KAT7: variants seen among roughly 807,000 people sequenced by gnomAD.
KAT7 encodes the protein histone acetyltransferase KAT7.
KAT7 carries 10 observed loss-of-function variants against 82.1 expected under a neutral mutation model. The observed-to-expected ratio is 0.12, with a 90% CI of 0.08 to 0.21. The LOEUF (loss-of-function observed/expected upper bound fraction) is 0.21, where lower values mean the gene tolerates loss of function less well. Ranked by LOEUF, KAT7 falls within the 10% of genes least tolerant of loss-of-function variation. KAT7 has a pLI of 1.00. For missense variants in KAT7, 378 were observed against 760.9 expected (o/e 0.50, Z 5.92); for synonymous variants, 250 against 262.5 (o/e 0.95, Z 0.46).
rs887070130 is a variant in KAT7 at position 49,834,535 on chromosome 17, C to T, written c.*7033C>T. 1.3e-5 allele frequency: 2 copies of T among 152,234 alleles called. No homozygotes were observed. The highest frequency in any genetic ancestry group is 2.9e-5 in the Non-Finnish European group (2 of 68,058). 9.4% of individuals were successfully genotyped at this position (152,234 alleles called of 1,614,324 possible). ...TCAATGGATTAAGTTCATGTTTATC[C>T]TGGCTTTCAAGTCTTTCCGTAAGCT... On this transcript the variant is annotated 3_prime_UTR_variant, in exon 15 of 15. Transcript: ENST00000259021.
Position 49,830,177 on chromosome 17 carries a change from CTATTTTTTTT to C in KAT7, c.*2677_*2686del, listed in dbSNP as rs2074411888. ...ACAGGCGTGAGCCACTGCACCCGAC[CTATTTTTTTT>C]TTTTTTTTTTTTTTTTTTTTTAAAA... On this transcript the variant is annotated 3_prime_UTR_variant, in exon 15 of 15. Transcript: ENST00000259021. The C allele has an allele frequency of 3.2e-5, 4 of 126,138 alleles. No individual in the cohort carries two copies. The South Asian group carries it at 7.6e-4, about 24-fold the overall frequency. The allele number at this position is 126,138 out of a possible 1,614,324, so 7.8% of individuals were successfully genotyped here.
At chr17:49,823,333 G>T in intron 12 of KAT7, 38 bp downstream of exon 12, 1 of 1,071,204 alleles carries the variant, frequency 9.3e-7, no homozygotes, top group South Asian at 1.3e-5. Context: ...CCACAAGGCA[G>T]GGACCATGTG....
At chr17:49,815,236 T>G (rs2074219700) in intron 7 of KAT7, 1 of 152,248 alleles carries the variant, frequency 6.6e-6, no homozygotes, top group African/African-American at 2.4e-5. Context: ...GCACGCCTTT[T>G]GCAGACAGCA....
chr17:49,825,524 A>AGTTG (rs2074358102), intron 12 of KAT7, among the ~76,000 whole-genome samples: 1 of 152,194 alleles, frequency 6.6e-6, no homozygotes, highest in Non-Finnish European at 1.5e-5. Context: ...ACCTGTAGTC[A>AGTTG]ACTGCGGTCC....
At chr17:49,813,330 C>A in intron 7 of KAT7, among the ~76,000 whole-genome samples, 1 of 152,112 alleles carries the variant, frequency 6.6e-6, no homozygotes. Flanking sequence ...CCAGTTGCAT[C>A]CATGTCGCTG....
intron 4 of KAT7, among the ~76,000 whole-genome samples, chr17:49,799,021 A>G (rs1382535793): frequency 1.3e-5 from 2 of 152,234 alleles, no homozygotes; most frequent in African/African-American, 4.8e-5. Context: ...GCCTTCTGTA[A>G]CTTTAGTAGC....
At chr17:49,826,643 G>A (rs2074371776) in intron 13 of KAT7, 50 bp from the exon 14 acceptor site, 2 of 1,250,866 alleles carry the variant, frequency 1.6e-6, no homozygotes, top group Non-Finnish European at 2.3e-6. Flanking sequence ...GGGGGCAAAG[G>A]GGTGGGAACC....
In KAT7 at chr17:49,832,646, T is replaced by C; in HGVS notation, c.*5144T>C. 6.6e-6 allele frequency: 1 copy of C among 152,220 alleles called. No homozygotes were observed. The highest frequency in any genetic ancestry group is 1.5e-5 in the Non-Finnish European group (1 of 68,022). The allele number at this position is 152,220 out of a possible 1,614,324, so 9.4% of individuals were successfully genotyped here. A position where few individuals can be genotyped will look rare whatever the true frequency, so the allele number is the denominator to read the frequency against. On this transcript the variant is annotated 3_prime_UTR_variant, in exon 15 of 15. Coordinates refer to ENST00000259021, the MANE Select transcript of KAT7 (RefSeq NM_007067.5). ...CTCAACTAGTTTAGTGTGCTCAAGC[T>C]CAAATAACCAATCCCATCAAGTGAA... is the stretch of plus-strand genomic sequence containing the variant.
In KAT7 at chr17:49,821,920, A is replaced by T. The variant is rs2074308755; in HGVS notation, c.1386+130A>T. ...ATGATGACACCCCTTCCTTAAATTAAAAAAAAAAAAAAGGCAAACCCATGT... is the reference window on the plus strand; with the variant it reads ...ATGATGACACCCCTTCCTTAAATTATAAAAAAAAAAAAGGCAAACCCATGT... On this transcript the variant is annotated intron_variant, in intron 11 of 14. Coordinates refer to ENST00000259021, the MANE Select transcript of KAT7 (RefSeq NM_007067.5). 1.5e-5 allele frequency: 5 copies of T among 341,106 alleles called. No individual in the cohort carries two copies. In the East Asian group the frequency reaches 2.6e-4, roughly 18 times the overall value. 21.1% of individuals were successfully genotyped at this position (341,106 alleles called of 1,614,324 possible). A position where few individuals can be genotyped will look rare whatever the true frequency, so the allele number is the denominator to read the frequency against.
intron 9 of KAT7, among the ~76,000 whole-genome samples, chr17:49,821,035 G>A (rs1026520407): frequency 2.6e-5 from 4 of 152,122 alleles, no homozygotes; most frequent in Non-Finnish European, 5.9e-5. Context: ...ATAAGCAAGC[G>A]TATTGTTATT....
chr17:49,812,249 T>TG (rs2074175726), intron 7 of KAT7, among the ~76,000 whole-genome samples: 1 of 150,334 alleles, frequency 6.7e-6, no homozygotes, highest in Non-Finnish European at 1.5e-5. Flanking sequence ...TTTTTTTTTT[T>TG]TTTTTGAGAC....
intron 1 of KAT7, among the ~76,000 whole-genome samples, chr17:49,790,971 G>T (rs2073880451): frequency 6.6e-6 from 1 of 152,170 alleles, no homozygotes; most frequent in Non-Finnish European, 1.5e-5. Context: ...AACTCCTCAG[G>T]AGGATAATAA....
At chr17:49,824,116 G>A (rs1339335621) in intron 12 of KAT7, among the ~76,000 whole-genome samples, 1 of 152,200 alleles carries the variant, frequency 6.6e-6, no homozygotes, top group Non-Finnish European at 1.5e-5. Flanking sequence ...ATAAGTTTAT[G>A]TATTGATGGT....
In KAT7 at chr17:49,828,606, T is replaced by G. The variant is rs1280447294; in HGVS notation, c.*1104T>G. 1 of 152,684 alleles carries G rather than the reference T, an allele frequency of 6.5e-6. No homozygotes were observed. Among genetic ancestry groups the G allele is most frequent in the Non-Finnish European group, 1.5e-5 (1 of 68,046 alleles). The allele number at this position is 152,684 out of a possible 1,614,324, so 9.5% of individuals were successfully genotyped here. ...CTCTAGGATTAAAGTGCTTCTGCCCTTCCACGAACTCCTCCTCCATTTCCT... is the reference window on the plus strand; with the variant it reads ...CTCTAGGATTAAAGTGCTTCTGCCCGTCCACGAACTCCTCCTCCATTTCCT... On this transcript the variant is annotated 3_prime_UTR_variant, in exon 15 of 15. Coordinates refer to ENST00000259021, the MANE Select transcript of KAT7 (RefSeq NM_007067.5).
At chr17:49,820,425 C>T (rs1291153370) in intron 9 of KAT7, among the ~76,000 whole-genome samples, 4 of 151,956 alleles carry the variant, frequency 2.6e-5, no homozygotes, top group African/African-American at 4.8e-5. Flanking sequence ...ATTACAGGCC[C>T]CCGCTGCCAC....
intron 8 of KAT7, 116 bp downstream of exon 8, chr17:49,816,029 C>A: frequency 1.6e-6 from 1 of 632,304 alleles, no homozygotes. Context: ...TCTGGAATCT[C>A]TTTCCCTGTC....
chr17:49,809,383 T>C (rs1044432049), intron 6 of KAT7, among the ~76,000 whole-genome samples, 175 bp downstream of exon 6: 6 of 152,236 alleles, frequency 3.9e-5, no homozygotes, highest in Non-Finnish European at 5.9e-5. Context: ...CAAACACTTC[T>C]ACCTCATGAA....
chr17:49,819,378 G>A (rs772518164), intron 9 of KAT7, among the ~76,000 whole-genome samples: 2 of 152,128 alleles, frequency 1.3e-5, no homozygotes, highest in Non-Finnish European at 2.9e-5. Flanking sequence ...AGGAAATAAT[G>A]GGGTCAGAAG....
intron 7 of KAT7, among the ~76,000 whole-genome samples, chr17:49,814,240 G>A (rs930829793): frequency 2.0e-5 from 3 of 152,240 alleles, no homozygotes; most frequent in African/African-American, 7.2e-5. Context: ...CTAATTTTAT[G>A]AATACATGGA....
Sources: gnomAD v4.1 joint callset for allele counts (sites outside exome capture counted in the v4.1 genomes callset) on GRCh38, gnomAD v4.1.1 for gene constraint, MANE v1.5 for transcripts, NCBI Gene and HGNC (gene_info 2026-07-23, HGNC 2026-07-21) for gene names.